The following CACNA1C variants were observed in gnomAD, a reference collection of about 807,000 sequenced individuals.
CACNA1C encodes the protein voltage-dependent L-type calcium channel subunit alpha-1C.
Under a neutral mutation model 229.0 loss-of-function variants are expected in CACNA1C, and 30 were observed. That is an observed-to-expected ratio of 0.13 (90% confidence interval 0.10 to 0.18). The LOEUF is 0.18. CACNA1C is among the 10% of genes least tolerant of loss of function. The probability of loss-of-function intolerance (pLI) is 1.00; values close to 1 mark genes in which losing one functional copy is unlikely to be tolerated. For missense variants in CACNA1C, 1,658 were observed against 2,845.0 expected (o/e 0.58, Z 9.49); for synonymous variants, 1,114 against 1,132.5 (o/e 0.98, Z 0.33).
At chr12:2,264,503 T>C (rs1468898775) in intron 3 of CACNA1C, among the ~76,000 whole-genome samples, 1 of 152,234 alleles carries the variant, frequency 6.6e-6, no homozygotes, top group Non-Finnish European at 1.5e-5. Flanking sequence ...AGAAGCTTCA[T>C]GACCTAGGGC....
At chr12:2,441,915 C>T (rs903662888) in intron 3 of CACNA1C, among the ~76,000 whole-genome samples, 1 of 152,186 alleles carries the variant, frequency 6.6e-6, no homozygotes, top group South Asian at 2.1e-4. Context: ...GAGTCAAAGC[C>T]TCCTTACTTA....
At chr12:2,097,420 A>C (rs1031511047) in intron 1 of CACNA1C, among the ~76,000 whole-genome samples, 1 of 152,152 alleles carries the variant, frequency 6.6e-6, no homozygotes, top group East Asian at 1.9e-4. Context: ...TGCTGGGATT[A>C]CAGATGTGAG....
intron 3 of CACNA1C, among the ~76,000 whole-genome samples, chr12:2,226,136 CACACA>C (rs879647469): frequency 0.012 from 1,589 of 129,344 alleles, 29 homozygotes; most frequent in African/African-American, 0.041. Context: ...CACACACACA[CACACA>C]CACACACACA....
intron 1 of CACNA1C, among the ~76,000 whole-genome samples, chr12:2,031,410 G>A (rs1328878664): frequency 6.6e-6 from 1 of 152,218 alleles, no homozygotes; most frequent in Non-Finnish European, 1.5e-5. Context: ...GCAGCACGGT[G>A]AATGGGGGGC....
intron 4 of CACNA1C, 76 bp downstream of exon 4, chr12:2,449,191 G>A: frequency 8.4e-7 from 1 of 1,188,182 alleles, no homozygotes; most frequent in Non-Finnish European, 1.1e-6. Flanking sequence ...GCTGAAGACA[G>A]GGTCGTTGTC....
In CACNA1C at chr12:2,234,890, C is replaced by G. The variant is rs150230457; in HGVS notation, c.477+114460C>G. ...GGTTCAGACAAAACAATAGAAGTGA[C>G]GAGCGATTCTGGGAAGAAGGCATGA... On this transcript the variant is annotated intron_variant, in intron 3 of 46. Coordinates refer to ENST00000399655, the MANE Select transcript of CACNA1C (RefSeq NM_000719.7). Among the ~76,000 whole-genome samples the G allele has an allele frequency of 1.1e-4, 17 of 152,172 alleles. 1 individual carries two copies. The East Asian group carries it at 1.6e-3, about 14-fold the overall frequency.
At chr12:2,098,756 T>G (rs1339564439) in intron 1 of CACNA1C, among the ~76,000 whole-genome samples, 1 of 152,252 alleles carries the variant, frequency 6.6e-6, no homozygotes, top group East Asian at 1.9e-4. Context: ...TTTACTTCAT[T>G]GAAATGAGGT....
chr12:2,100,968 G>T (rs1213825132), intron 1 of CACNA1C, among the ~76,000 whole-genome samples: 2 of 145,110 alleles, frequency 1.4e-5, no homozygotes, highest in Non-Finnish European at 3.0e-5. Flanking sequence ...TGCCACTGCA[G>T]TCTAGCCTGG....
In CACNA1C at chr12:2,610,555, A is replaced by G; in HGVS notation, c.3573A>G (p.Glu1191=). The G allele has an allele frequency of 6.2e-7, 1 of 1,613,800 alleles. No individual in the cohort carries two copies. Among genetic ancestry groups the G allele is most frequent in the East Asian group, 2.2e-5 (1 of 44,876 alleles). The part of the protein sequence containing the change: ...ELDKNQRQCV[E]YALKARPLRR... The stretch of plus-strand genomic sequence containing the variant: ...CACCCTCCCAGCGACAGTGCGTGGA[A>G]TACGCCCTCAAGGCCCGGCCCCTGC... Residue 1191 remains glutamate, a synonymous_variant, in exon 28 of 47, where the codon GAA becomes GAG. Transcript: ENST00000399655.
rs763760402 is a variant in CACNA1C at position 2,115,342 on chromosome 12, C to G, written c.168C>G (p.Ile56Met). 6.3e-7 allele frequency: 1 copy of G among 1,585,548 alleles called. No individual in the cohort carries two copies. Residue 56 changes from isoleucine to methionine, a missense_variant, in exon 2 of 47, where the codon ATC (isoleucine) becomes ATG (methionine). Transcript: ENST00000399655. ...PGAALSWQAA[I>M]DAARQAKLMG... is the part of the protein sequence containing the mutation. Reference sequence around the variant, plus strand: ...CTGCCCTGTCGTGGCAGGCGGCCATCGACGCAGCCCGGCAGGCTAAGCTGA... The same window carrying G: ...CTGCCCTGTCGTGGCAGGCGGCCATGGACGCAGCCCGGCAGGCTAAGCTGA...
chr12:2,149,982 T>G (rs2095089789), intron 3 of CACNA1C, among the ~76,000 whole-genome samples: 1 of 152,078 alleles, frequency 6.6e-6, no homozygotes, highest in South Asian at 2.1e-4. Flanking sequence ...TGATAACTAG[T>G]GATGCATGGG....
chr12:2,661,564 A>C (rs10161181), intron 34 of CACNA1C, among the ~76,000 whole-genome samples: 92,754 of 151,974 alleles, frequency 0.61, 30,319 homozygotes, highest in Non-Finnish European at 0.73. Flanking sequence ...GGTCTACCAG[A>C]CTATCAAGGA....
rs1488671303 is a variant in CACNA1C, at chr12:2,319,065, C to T, written c.478-129911C>T. Among the ~76,000 whole-genome samples, 1 of 152,020 alleles carries T rather than the reference C, an allele frequency of 6.6e-6. No homozygotes were observed. On this transcript the variant is annotated intron_variant, in intron 3 of 46. Coordinates refer to ENST00000399655, the MANE Select transcript of CACNA1C (RefSeq NM_000719.7). This position sits in a 1 kb window ranked among gnomAD's most constrained non-coding sequence, Gnocchi z 4.0. ...CCAATCTTTACTCTCCAGAGTGGGGCTTGTGAGTCTCTCACCCCAGCTGTT... is the reference window on the plus strand; with the variant it reads ...CCAATCTTTACTCTCCAGAGTGGGGTTTGTGAGTCTCTCACCCCAGCTGTT...
At position 2,481,953 on chromosome 12, in the gene CACNA1C, C is replaced by T. The variant is rs118033305; in HGVS notation, c.758-4151C>T. Among the ~76,000 whole-genome samples, 723 of 152,410 alleles carry T rather than the reference C, an allele frequency of 4.7e-3. 5 individuals carry two copies. Among genetic ancestry groups the T allele is most frequent in the South Asian group, 0.025 (121 of 4,832 alleles). ...CCGACACTCGCTTATCAGCGGTGAG[C>T]ATGGCCTATCTGAGAACACTTGGGT... On this transcript the variant is annotated intron_variant, in intron 5 of 46. Transcript: ENST00000399655.
intron 1 of CACNA1C, among the ~76,000 whole-genome samples, chr12:2,091,290 T>A (rs564293472): frequency 6.6e-6 from 1 of 152,352 alleles, no homozygotes; most frequent in South Asian, 2.1e-4. Context: ...TTGCGATGAT[T>A]TACATGGATG....
intron 5 of CACNA1C, among the ~76,000 whole-genome samples, chr12:2,473,957 G>T (rs1210390375): frequency 2.0e-5 from 3 of 152,068 alleles, no homozygotes; most frequent in African/African-American, 7.2e-5. Flanking sequence ...TGGCAGCAAT[G>T]AACAAATTTG....
chr12:2,342,491 C>A (rs1478556964), intron 3 of CACNA1C, among the ~76,000 whole-genome samples: 1 of 152,202 alleles, frequency 6.6e-6, no homozygotes, highest in Non-Finnish European at 1.5e-5. Context: ...CAAAGAGTTT[C>A]TTTCTAAGCC....
intron 3 of CACNA1C, among the ~76,000 whole-genome samples, chr12:2,291,406 A>G (rs1268402655): frequency 1.3e-5 from 2 of 152,178 alleles, no homozygotes; most frequent in Admixed American, 1.3e-4. Context: ...TCTTAGAACT[A>G]CACACTCTCT....
At position 2,633,211 on chromosome 12, in the gene CACNA1C, A is replaced by G. The variant is rs918089169; in HGVS notation, c.3829-1086A>G. ...TCACACACCTGTGTTCCCTCCCTCC[A>G]GACAGGCCCTTCTGCTGGAAGAGGA... On this transcript the variant is annotated intron_variant, in intron 29 of 46. Transcript: ENST00000399655. This position sits in a 1 kb window ranked among gnomAD's most constrained non-coding sequence, Gnocchi z 5.8. 5.3e-5 allele frequency among the ~76,000 whole-genome samples: 8 copies of G among 152,202 alleles called. No individual in the cohort carries two copies. Among genetic ancestry groups the G allele is most frequent in the African/African-American group, 1.4e-4 (6 of 41,508 alleles).
Sources: allele counts gnomAD v4.1 joint callset (sites outside exome capture counted in the v4.1 genomes callset), GRCh38; gene constraint gnomAD v4.1.1; non-coding constraint Gnocchi (gnomAD v3.1); transcripts MANE v1.5; gene names NCBI Gene and HGNC (gene_info 2026-07-23, HGNC 2026-07-21).